Variants in ABCA3 observed in about 807,000 individuals in gnomAD.
ABCA3 encodes the protein ATP binding cassette subfamily A member 3, also known as phospholipid-transporting ATPase ABCA3.
A neutral mutation model predicts 172.8 loss-of-function variants in ABCA3; 88 were observed. That is an observed-to-expected ratio of 0.51 (90% CI 0.43 to 0.61). The LOEUF (loss-of-function observed/expected upper bound fraction) is 0.61, where lower values mean the gene tolerates loss of function less well. Ranked by LOEUF, ABCA3 falls within the 20% of genes least tolerant of loss-of-function variation. ABCA3 has a pLI of 0.00. For synonymous variants in ABCA3, 1,066 were observed against 983.8 expected (o/e 1.08, Z -1.56); for missense variants, 2,164 against 2,301.0 (o/e 0.94, Z 1.22).
At chr16:2,311,429 C>T (rs895411827) in intron 10 of ABCA3, among the ~76,000 whole-genome samples, 17 of 152,170 alleles carry the variant, frequency 1.1e-4, no homozygotes, top group Admixed American at 6.5e-5. Context: ...ACTGAACAAG[C>T]AGTAATTTCG....
At chr16:2,323,771 G>C (rs112890021) in intron 6 of ABCA3, 83 bp from the exon 7 acceptor site, 5 of 1,531,962 alleles carry the variant, frequency 3.3e-6, no homozygotes, top group South Asian at 2.2e-5. Context: ...AGAGCGCTTG[G>C]GGGGCTGTCA....
intron 7 of ABCA3, 65 bp from the exon 8 acceptor site, chr16:2,319,905 C>G (rs898083711): frequency 6.2e-7 from 1 of 1,601,424 alleles, no homozygotes; most frequent in African/African-American, 1.3e-5. Flanking sequence ...CAGAGGGCCA[C>G]GTGCATGGGG....
chr16:2,314,272 T>C (rs936980710), intron 10 of ABCA3, among the ~76,000 whole-genome samples: 3 of 152,136 alleles, frequency 2.0e-5, no homozygotes, highest in South Asian at 2.1e-4. Context: ...ATCTACATTA[T>C]GGAATATCAT....
At position 2,298,479 on chromosome 16, in the gene ABCA3, C is replaced by T; in HGVS notation, c.1803G>A (p.Met601Ile). The T allele has an allele frequency of 1.2e-6, 2 of 1,614,088 alleles. No individual in the cohort carries two copies. The highest frequency in any genetic ancestry group is 2.2e-5 in the East Asian group (1 of 44,866). ...YISGYEISQDMVQIRKSLGLC... is the reference protein window; with the variant it reads ...YISGYEISQDIVQIRKSLGLC... The stretch of plus-strand genomic sequence containing the variant: ...GGCCCAGGCTCTTCCGGATCTGAAC[C>T]ATGTCCTGGGAAATTTCATACCCGC... Residue 601 changes from methionine to isoleucine, a missense_variant, in exon 15 of 33, where the codon ATG (methionine) becomes ATA (isoleucine). Around this residue, in one of 3 missense-constraint regions of ABCA3, gnomAD observed 1,343 missense variants for 1,369.6 expected, o/e 0.98. Coordinates refer to ENST00000301732, the MANE Select transcript of ABCA3 (RefSeq NM_001089.3).
intron 10 of ABCA3, among the ~76,000 whole-genome samples, chr16:2,310,045 CA>C (rs1350202271): frequency 2.0e-5 from 3 of 152,098 alleles, no homozygotes; most frequent in African/African-American, 4.8e-5. Flanking sequence ...ATACTAAGAA[CA>C]TTTAAAAATT....
In ABCA3 at chr16:2,283,641, T is replaced by C; in HGVS notation, c.3863-283A>G. 2.2e-6 allele frequency: 1 copy of C among 457,440 alleles called. No homozygotes were observed. Among genetic ancestry groups the C allele is most frequent in the Non-Finnish European group, 4.1e-6 (1 of 246,892 alleles). The allele number at this position is 457,440 out of a possible 1,614,324, so 28.3% of individuals were successfully genotyped here. ...CACAGGCTCTGCGTGAATCCTGGGC[T>C]GCCTCCTGACCAGGACAGAGACCGT... On this transcript the variant is annotated intron_variant, in intron 25 of 32. Coordinates refer to ENST00000301732, the MANE Select transcript of ABCA3 (RefSeq NM_001089.3). This position sits in a 1 kb window ranked among gnomAD's most constrained non-coding sequence, Gnocchi z 5.4.
chr16:2,317,407 C>G lies in ABCA3; in HGVS notation c.991-4G>C, dbSNP rs2093717717. On this transcript the variant is annotated splice_region_variant and splice_polypyrimidine_tract_variant and intron_variant, in intron 9 of 32. Transcript: ENST00000301732. ...GCACGGCTACATTTGGCTTCACCTG[C>G]AGGGCACAGGCATGAGTCGGGCGTG... is the stretch of plus-strand genomic sequence containing the variant. 1.9e-6 allele frequency: 3 copies of G among 1,613,546 alleles called. No individual in the cohort carries two copies. Among genetic ancestry groups the G allele is most frequent in the Non-Finnish European group, 2.5e-6 (3 of 1,179,998 alleles).
chr16:2,300,304 G>A (rs116255911), intron 12 of ABCA3, among the ~76,000 whole-genome samples, 156 bp from the exon 13 acceptor site: 5 of 151,712 alleles, frequency 3.3e-5, no homozygotes, highest in African/African-American at 1.2e-4. Context: ...GCCCCAGAGA[G>A]TCCCAACTTG....
chr16:2,308,230 T>C (rs1019661062), intron 11 of ABCA3, among the ~76,000 whole-genome samples: 2 of 152,194 alleles, frequency 1.3e-5, no homozygotes, highest in Non-Finnish European at 2.9e-5. Flanking sequence ...GTGGCTCCCA[T>C]CACCTCCTGC....
Position 2,289,250 on chromosome 16 carries a change from CCATT to C in ABCA3, c.2700+180_2700+183del. ...TAGAGCATGAGAAATTCCAGTTGCT[CCATT>C]CAAACGCTTCTCCCTGCCGACCCAT... On this transcript the variant is annotated intron_variant, in intron 20 of 32. Transcript: ENST00000301732. The C allele has an allele frequency of 7.4e-6, 5 of 680,038 alleles. No homozygotes were observed. The South Asian group carries it at 7.5e-5, about 10-fold the overall frequency. The allele number at this position is 680,038 out of a possible 1,614,324, so 42.1% of individuals were successfully genotyped here.
chr16:2,300,236 G>T, intron 12 of ABCA3, 88 bp from the exon 13 acceptor site: 1 of 1,575,672 alleles, frequency 6.3e-7, no homozygotes, highest in Non-Finnish European at 8.7e-7. Flanking sequence ...ACACAGCCAT[G>T]CAGCCTCTGT....
rs1567337662 is a variant in ABCA3 at position 2,283,720 on chromosome 16, A to AAGAC, written c.3863-363_3863-362insGTCT. 1 of 313,672 alleles carries AAGAC rather than the reference A, an allele frequency of 3.2e-6. No homozygotes were observed. Among genetic ancestry groups the AAGAC allele is most frequent in the African/African-American group, 2.1e-5 (1 of 46,986 alleles). The allele number at this position is 313,672 out of a possible 1,614,324, so 19.4% of individuals were successfully genotyped here. A position where few individuals can be genotyped will look rare whatever the true frequency, so the allele number is the denominator to read the frequency against. On this transcript the variant is annotated intron_variant, in intron 25 of 32. Transcript: ENST00000301732. This position sits in a 1 kb window ranked among gnomAD's most constrained non-coding sequence, Gnocchi z 5.4. ...TGAGGAGGCCCCACAGGACAGGTCC[A>AAGAC]AGTTCTGTCCCCCTGGACCTGGGGT...
At chr16:2,299,983 C>A in intron 13 of ABCA3, 22 bp downstream of exon 13, 6 of 1,612,054 alleles carry the variant, frequency 3.7e-6, no homozygotes, top group Non-Finnish European at 5.1e-6. Flanking sequence ...CCGGCCCTCC[C>A]TGTCCCCACA....
rs1371854650 is a variant in ABCA3 at position 2,299,409 on chromosome 16, G to T, written c.1735C>A (p.Leu579Ile). The T allele has an allele frequency of 1.9e-6, 3 of 1,613,720 alleles. No homozygotes were observed. Among genetic ancestry groups the T allele is most frequent in the Non-Finnish European group, 2.5e-6 (3 of 1,179,984 alleles). Reference sequence around the variant, plus strand: ...TGAGGCGCCTGGCCCTCACCTGTGAGCATGGAGAGGGTGGTGGTCTTCCCG... The same window carrying T: ...TGAGGCGCCTGGCCCTCACCTGTGATCATGGAGAGGGTGGTGGTCTTCCCG... ...GAGKTTTLSM[L>I]TGLFPPTSGR... Residue 579 changes from leucine to isoleucine, a missense_variant, in exon 14 of 33, where the codon CTC becomes ATC. Transcript: ENST00000301732.
intron 7 of ABCA3, among the ~76,000 whole-genome samples, chr16:2,320,331 C>G (rs1012643504): frequency 6.6e-6 from 1 of 150,720 alleles, no homozygotes; most frequent in Non-Finnish European, 1.5e-5. Context: ...ATCTCCTGAC[C>G]TCATGATCCA....
chr16:2,309,530 C>A (rs1381194259), intron 10 of ABCA3, among the ~76,000 whole-genome samples: 1 of 152,130 alleles, frequency 6.6e-6, no homozygotes, highest in Non-Finnish European at 1.5e-5. Context: ...GAGAAGGAGC[C>A]GGAAGAGGTG....
intron 1 of ABCA3, among the ~76,000 whole-genome samples, chr16:2,331,489 G>A (rs2093743149): frequency 6.6e-6 from 1 of 152,224 alleles, no homozygotes; most frequent in African/African-American, 2.4e-5. Flanking sequence ...GTGAGCCACT[G>A]TGCCCTGCCG....
At chr16:2,311,806 C>T (rs141070867) in intron 10 of ABCA3, among the ~76,000 whole-genome samples, 1 of 152,158 alleles carries the variant, frequency 6.6e-6, no homozygotes, top group Non-Finnish European at 1.5e-5. Flanking sequence ...AGGTGTGAGC[C>T]ACTGTGCCCG....
At chr16:2,301,862 C>A (rs2093690016) in intron 12 of ABCA3, among the ~76,000 whole-genome samples, 1 of 152,190 alleles carries the variant, frequency 6.6e-6, no homozygotes, top group Non-Finnish European at 1.5e-5. Context: ...TGGCCATAAA[C>A]TGGCCCCAAA....
Sources: allele counts gnomAD v4.1 joint callset (sites outside exome capture counted in the v4.1 genomes callset), GRCh38; gene constraint gnomAD v4.1.1; regional missense constraint gnomAD v4.1.1; non-coding constraint Gnocchi (gnomAD v3.1); transcripts MANE v1.5; gene names NCBI Gene and HGNC (gene_info 2026-07-23, HGNC 2026-07-21).